KCNMA1: variants seen among roughly 807,000 people sequenced by gnomAD.
The protein encoded by KCNMA1 is Calcium-activated potassium channel subunit alpha-1.
A neutral mutation model predicts 140.0 loss-of-function variants in KCNMA1; 29 were observed. That is an observed-to-expected ratio of 0.21 (90% CI 0.15 to 0.28). The LOEUF (loss-of-function observed/expected upper bound fraction) is 0.28, where lower values mean the gene tolerates loss of function less well. Ranked by LOEUF, KCNMA1 falls within the 10% of genes least tolerant of loss-of-function variation. The probability of loss-of-function intolerance (pLI) is 1.00; values close to 1 mark genes in which losing one functional copy is unlikely to be tolerated. For synonymous variants in KCNMA1, 612 were observed against 611.9 expected, an observed-to-expected ratio of 1.00 and a Z score of 0.00; for missense variants, 880 against 1,602.2, an observed-to-expected ratio of 0.55 and a Z score of 7.70.
At chr10:77,013,358 A>G (rs1286247593) in intron 17 of KCNMA1, among the ~76,000 whole-genome samples, 1 of 152,106 alleles carries the variant, frequency 6.6e-6, no homozygotes, top group Non-Finnish European at 1.5e-5. Flanking sequence ...TCCAAGTCCA[A>G]TGCTTGCTCT....
intron 5 of KCNMA1, among the ~76,000 whole-genome samples, chr10:77,126,406 T>C (rs1353018445): frequency 6.6e-6 from 1 of 152,190 alleles, no homozygotes; most frequent in Non-Finnish European, 1.5e-5. Context: ...AAAGTTGGCA[T>C]TACCTGGACA....
intron 2 of KCNMA1, among the ~76,000 whole-genome samples, chr10:77,384,150 G>C (rs1222428189): frequency 6.6e-6 from 1 of 152,224 alleles, no homozygotes; most frequent in Admixed American, 6.5e-5. Context: ...AAGATCTGAA[G>C]CCTAAATGAG....
chr10:77,519,159 C>T (rs560882039), intron 1 of KCNMA1, among the ~76,000 whole-genome samples: 4 of 152,372 alleles, frequency 2.6e-5, no homozygotes, highest in African/African-American at 9.6e-5. Flanking sequence ...GGCTTCAGCC[C>T]GCCTGGCCTG....
At chr10:77,159,212 G>A (rs529721256) in intron 5 of KCNMA1, among the ~76,000 whole-genome samples, 19 of 152,100 alleles carry the variant, frequency 1.2e-4, no homozygotes, top group African/African-American at 4.6e-4. Context: ...TTTTTCCTAA[G>A]CCCCCAGAAT....
chr10:77,588,546 T>C (rs935266459), intron 1 of KCNMA1, among the ~76,000 whole-genome samples: 5 of 152,300 alleles, frequency 3.3e-5, no homozygotes, highest in African/African-American at 1.2e-4. Flanking sequence ...GGCAGGGCCA[T>C]GAGAGCAGAG....
chr10:77,228,261 G>A (rs941336899), intron 3 of KCNMA1, among the ~76,000 whole-genome samples: 3 of 152,130 alleles, frequency 2.0e-5, no homozygotes, highest in South Asian at 2.1e-4. Context: ...CACCACACCC[G>A]GCCTAATTTA....
intron 5 of KCNMA1, among the ~76,000 whole-genome samples, chr10:77,179,198 C>G (rs553049099): frequency 4.5e-4 from 68 of 152,272 alleles, no homozygotes; most frequent in African/African-American, 1.6e-3. Flanking sequence ...GATAACTGAG[C>G]CTGAGGCAGA....
intron 1 of KCNMA1, among the ~76,000 whole-genome samples, chr10:77,573,036 A>G (rs976278538): frequency 6.6e-6 from 1 of 152,132 alleles, no homozygotes; most frequent in Non-Finnish European, 1.5e-5. Context: ...CAGCCCCTCC[A>G]TGAATTAGGT....
At chr10:77,194,390 C>T (rs1240072401) in intron 3 of KCNMA1, among the ~76,000 whole-genome samples, 1 of 152,122 alleles carries the variant, frequency 6.6e-6, no homozygotes, top group African/African-American at 2.4e-5. Flanking sequence ...CTTTGGGCCT[C>T]CCCTGGTCAT....
rs1013012751 is a variant in KCNMA1 at position 77,574,256 on chromosome 10, G to A, written c.378+63009C>T. Among the ~76,000 whole-genome samples the A allele has an allele frequency of 6.1e-5, 9 of 148,378 alleles. No homozygotes were observed. In the South Asian group the frequency reaches 7.0e-4, roughly 12 times the overall value. On this transcript the variant is annotated intron_variant, in intron 1 of 27. Coordinates refer to ENST00000286628, the MANE Select transcript of KCNMA1 (RefSeq NM_001161352.2). Reference sequence around the variant, plus strand: ...AAGATATATATATTAATATCTATGCGTGTGTATATATATATATATATAAAA... The same window carrying A: ...AAGATATATATATTAATATCTATGCATGTGTATATATATATATATATAAAA...
chr10:77,277,424 C>T (rs1052089348), intron 2 of KCNMA1, among the ~76,000 whole-genome samples: 4 of 152,234 alleles, frequency 2.6e-5, no homozygotes, highest in Admixed American at 2.0e-4. Context: ...TTAAAACTTC[C>T]GAATCATTGA....
At chr10:77,113,527 G>A (rs934063714) in intron 6 of KCNMA1, among the ~76,000 whole-genome samples, 15 of 152,176 alleles carry the variant, frequency 9.9e-5, no homozygotes, top group Admixed American at 3.3e-4. Context: ...GCAGTGGCAC[G>A]GTCTTGGCTC....
chr10:77,287,647 GC>G (rs1159352010), intron 2 of KCNMA1, among the ~76,000 whole-genome samples: 5 of 152,152 alleles, frequency 3.3e-5, no homozygotes, highest in Non-Finnish European at 5.9e-5. Context: ...ATGGGAGTTG[GC>G]ATGAGGATCT....
chr10:77,040,480 C>A (rs1220109895), intron 14 of KCNMA1, among the ~76,000 whole-genome samples: 2 of 152,066 alleles, frequency 1.3e-5, no homozygotes, highest in Non-Finnish European at 2.9e-5. Context: ...AAAATGTATA[C>A]CTGTTCATAC....
At chr10:77,628,732 G>T (rs1265080597) in intron 1 of KCNMA1, among the ~76,000 whole-genome samples, 1 of 147,866 alleles carries the variant, frequency 6.8e-6, no homozygotes, top group Non-Finnish European at 1.5e-5. Context: ...TCTGATAATG[G>T]GGAGATCTAC....
chr10:77,402,137 T>C (rs1353018384), intron 2 of KCNMA1, among the ~76,000 whole-genome samples: 1 of 152,212 alleles, frequency 6.6e-6, no homozygotes, highest in Non-Finnish European at 1.5e-5. Flanking sequence ...TAGAATACAC[T>C]ACCTCCATTT....
chr10:77,206,816 A>AG (rs202180223), intron 3 of KCNMA1, among the ~76,000 whole-genome samples: 13,481 of 48,500 alleles, frequency 0.28, 743 homozygotes, highest in Middle Eastern at 0.37. Flanking sequence ...GCAGGGAGGG[A>AG]GGGGGGGGCG....
At chr10:77,591,763 C>T (rs1038665067) in intron 1 of KCNMA1, among the ~76,000 whole-genome samples, 2 of 152,216 alleles carry the variant, frequency 1.3e-5, no homozygotes, top group Non-Finnish European at 1.5e-5. Context: ...CCATCAATCC[C>T]CCACCTTGCC....
At chr10:77,629,387 C>T (rs1304662369) in intron 1 of KCNMA1, among the ~76,000 whole-genome samples, 1 of 152,168 alleles carries the variant, frequency 6.6e-6, no homozygotes, top group East Asian at 1.9e-4. Context: ...TTAAAATCCA[C>T]GAATGATTCA....
Sources: gnomAD v4.1 joint callset for allele counts (sites outside exome capture counted in the v4.1 genomes callset) on GRCh38, gnomAD v4.1.1 for gene constraint, MANE v1.5 for transcripts, NCBI Gene and HGNC (gene_info 2026-07-23, HGNC 2026-07-21) for gene names.